Variants in CDYL2 observed in about 807,000 individuals in gnomAD.
CDYL2 encodes chromodomain Y like 2, also known as chromodomain Y-like protein 2.
CDYL2 carries 23 observed loss-of-function variants against 49.4 expected under a neutral mutation model. That is an observed-to-expected ratio of 0.47 (90% CI 0.34 to 0.66). The LOEUF (loss-of-function observed/expected upper bound fraction) is 0.66. CDYL2 is among the 30% of genes least tolerant of loss of function. The pLI, the probability that CDYL2 is intolerant of heterozygous loss-of-function variation, is 0.01. For missense variants in CDYL2, 678 were observed against 656.4 expected (o/e 1.03, Z -0.36); for synonymous variants, 360 against 268.8 (o/e 1.34, Z -3.32).
chr16:80,738,320 T>C (rs1905612634), intron 1 of CDYL2, among the ~76,000 whole-genome samples: 1 of 152,314 alleles, frequency 6.6e-6, no homozygotes, highest in East Asian at 1.9e-4. Flanking sequence ...AGTGCTGCAA[T>C]AAACATACAT....
intron 2 of CDYL2, among the ~76,000 whole-genome samples, chr16:80,659,096 GATGGACAGACGGATGGATGGATGA>G (rs1279792486): frequency 1.2e-4 from 17 of 144,194 alleles, no homozygotes; most frequent in African/African-American, 4.8e-4. Flanking sequence ...TGGATGGATG[GATGGACAGACGGATGGATGGATGA>G]ACAGACAGAT....
intron 1 of CDYL2, among the ~76,000 whole-genome samples, chr16:80,759,288 G>A (rs1306065925): frequency 1.3e-5 from 2 of 151,236 alleles, no homozygotes; most frequent in Non-Finnish European, 2.9e-5. Context: ...TGTGCCTTTT[G>A]AATACTTCAC....
intron 2 of CDYL2, among the ~76,000 whole-genome samples, chr16:80,661,077 C>T (rs1488602104): frequency 6.6e-6 from 1 of 152,158 alleles, no homozygotes; most frequent in Admixed American, 6.5e-5. Context: ...TCAGAAAACA[C>T]AGCCACTCCT....
intron 1 of CDYL2, among the ~76,000 whole-genome samples, chr16:80,705,436 C>A (rs1005763278): frequency 6.6e-6 from 1 of 152,242 alleles, no homozygotes; most frequent in Non-Finnish European, 1.5e-5. Context: ...TCTACAAGAA[C>A]CCACTGCTTC....
chr16:80,767,655 G>A (rs1010990750), intron 1 of CDYL2, among the ~76,000 whole-genome samples: 13 of 152,186 alleles, frequency 8.5e-5, no homozygotes, highest in Non-Finnish European at 1.9e-4. Flanking sequence ...CATAGAAGGT[G>A]GAAGCGGCCA....
At chr16:80,757,455 G>A (rs998551864) in intron 1 of CDYL2, among the ~76,000 whole-genome samples, 5 of 150,920 alleles carry the variant, frequency 3.3e-5, no homozygotes, top group African/African-American at 1.2e-4. Context: ...GGGGAGGCTT[G>A]CTTGAGCCCA....
chr16:80,689,695 C>T (rs972667638), intron 1 of CDYL2, among the ~76,000 whole-genome samples: 1 of 152,224 alleles, frequency 6.6e-6, no homozygotes, highest in Non-Finnish European at 1.5e-5. Flanking sequence ...TACAATAACT[C>T]TTCAAGGATC....
chr16:80,639,072 T>C (rs1907965917), intron 2 of CDYL2, among the ~76,000 whole-genome samples: 1 of 152,214 alleles, frequency 6.6e-6, no homozygotes, highest in African/African-American at 2.4e-5. Flanking sequence ...AAAGAAGTTA[T>C]ACAGATGACA....
intron 2 of CDYL2, among the ~76,000 whole-genome samples, chr16:80,680,597 G>A (rs551261656): frequency 4.6e-5 from 7 of 152,246 alleles, no homozygotes; most frequent in South Asian, 2.1e-4. Flanking sequence ...GATGAAACTC[G>A]CGTAGTTTTA....
At chr16:80,657,981 A>G (rs1259404971) in intron 2 of CDYL2, among the ~76,000 whole-genome samples, 4 of 152,132 alleles carry the variant, frequency 2.6e-5, no homozygotes, top group Admixed American at 2.0e-4. Context: ...AGAAAGAGCT[A>G]TCTCTATGAA....
At chr16:80,676,395 G>C (rs1472407775) in intron 2 of CDYL2, among the ~76,000 whole-genome samples, 1 of 152,128 alleles carries the variant, frequency 6.6e-6, no homozygotes, top group East Asian at 1.9e-4. Context: ...TGGATACATG[G>C]ATACCTGTGC....
intron 1 of CDYL2, among the ~76,000 whole-genome samples, chr16:80,695,493 C>G (rs1213304921): frequency 6.6e-6 from 1 of 152,108 alleles, no homozygotes; most frequent in Admixed American, 6.5e-5. Context: ...CAACTACATG[C>G]TGCCTATAAG....
At chr16:80,653,804 G>C (rs558817801) in intron 2 of CDYL2, among the ~76,000 whole-genome samples, 1 of 152,344 alleles carries the variant, frequency 6.6e-6, no homozygotes, top group South Asian at 2.1e-4. Flanking sequence ...ATGCAGGCAA[G>C]CTTGAGAACT....
Position 80,766,899 on chromosome 16 carries a change from G to C in CDYL2, c.24+37251C>G, listed in dbSNP as rs558032897. On this transcript the variant is annotated intron_variant, in intron 1 of 6. Coordinates refer to ENST00000570137, the MANE Select transcript of CDYL2 (RefSeq NM_152342.4). Reference sequence around the variant, plus strand: ...AGCACTGACTGTATACCAGGCACTGGTTTTTACAAATACTGACTCATTTCA... The same window carrying C: ...AGCACTGACTGTATACCAGGCACTGCTTTTTACAAATACTGACTCATTTCA... Among the ~76,000 whole-genome samples the C allele has an allele frequency of 2.6e-5, 4 of 152,322 alleles. No individual in the cohort carries two copies. In the East Asian group the frequency reaches 7.7e-4, roughly 29 times the overall value.
intron 1 of CDYL2, among the ~76,000 whole-genome samples, chr16:80,720,225 C>A (rs527646666): frequency 3.3e-5 from 5 of 152,142 alleles, no homozygotes; most frequent in Non-Finnish European, 7.4e-5. Flanking sequence ...CTCATGACTC[C>A]CCTCTCTGTG....
chr16:80,685,689 G>A (rs1195870344), intron 1 of CDYL2, among the ~76,000 whole-genome samples: 1 of 152,114 alleles, frequency 6.6e-6, no homozygotes, highest in Non-Finnish European at 1.5e-5. Context: ...TTTTCTCGTG[G>A]ACAAAAACTC....
chr16:80,690,615 C>T (rs549759640), intron 1 of CDYL2, among the ~76,000 whole-genome samples: 2 of 152,218 alleles, frequency 1.3e-5, no homozygotes, highest in South Asian at 2.1e-4. Flanking sequence ...CCCATGCTCT[C>T]GGCGACCACA....
chr16:80,758,314 T>C (rs1906384180), intron 1 of CDYL2, among the ~76,000 whole-genome samples: 1 of 148,784 alleles, frequency 6.7e-6, no homozygotes. Flanking sequence ...ATAGAAGTAA[T>C]AATAACTACA....
At chr16:80,768,473 G>A (rs1022373902) in intron 1 of CDYL2, among the ~76,000 whole-genome samples, 2 of 152,214 alleles carry the variant, frequency 1.3e-5, no homozygotes, top group African/African-American at 4.8e-5. Context: ...TAGAGGCTGG[G>A]AAGTCCAAGA....
Sources: allele counts gnomAD v4.1 joint callset (sites outside exome capture counted in the v4.1 genomes callset), GRCh38; gene constraint gnomAD v4.1.1; transcripts MANE v1.5; gene names NCBI Gene and HGNC (gene_info 2026-07-23, HGNC 2026-07-21).